Variants in WWOX observed in about 807,000 individuals in gnomAD.
The protein encoded by WWOX is WW domain-containing oxidoreductase.
A neutral mutation model predicts 46.2 loss-of-function variants in WWOX; 69 were observed. The ratio of observed to expected loss-of-function variants is 1.49; its 90% CI spans 1.23 to 1.82. WWOX has a LOEUF of 1.82. Among genes scored for constraint, WWOX ranks in the 40% most tolerant of loss-of-function variants. The pLI is 0.00. For synonymous variants in WWOX, 359 were observed against 202.6 expected, an observed-to-expected ratio of 1.77 and a Z score of -6.56; for missense variants, 919 against 542.6, an observed-to-expected ratio of 1.69 and a Z score of -6.89.
At chr16:78,406,468 T>G (rs1279029480) in intron 6 of WWOX, among the ~76,000 whole-genome samples, 1 of 150,002 alleles carries the variant, frequency 6.7e-6, no homozygotes, top group Non-Finnish European at 1.5e-5. Flanking sequence ...TTCCCCTGCC[T>G]TAGCCTCCTG....
chr16:79,149,696 A>C (rs1438251822), intron 8 of WWOX, among the ~76,000 whole-genome samples: 2 of 152,242 alleles, frequency 1.3e-5, no homozygotes, highest in African/African-American at 4.8e-5. Context: ...TACTTCTCTC[A>C]GCTGGCATTC....
intron 4 of WWOX, among the ~76,000 whole-genome samples, chr16:78,119,247 C>T (rs1253178239): frequency 6.6e-6 from 1 of 152,196 alleles, no homozygotes; most frequent in Non-Finnish European, 1.5e-5. Context: ...GAAATGCCTT[C>T]AGCACGGTGA....
At chr16:78,455,379 G>C (rs1198024140) in intron 8 of WWOX, among the ~76,000 whole-genome samples, 1 of 152,020 alleles carries the variant, frequency 6.6e-6, no homozygotes, top group Non-Finnish European at 1.5e-5. Context: ...GGTGGCTCAT[G>C]CCTGTGATTC....
chr16:78,179,657 A>G (rs1000980631), intron 5 of WWOX: 2 of 152,228 alleles, frequency 1.3e-5, no homozygotes, highest in Admixed American at 6.5e-5. Flanking sequence ...AATTCAGTTC[A>G]TCTTTATGAC....
At chr16:79,009,184 A>T (rs1464550713) in intron 8 of WWOX, among the ~76,000 whole-genome samples, 1 of 152,202 alleles carries the variant, frequency 6.6e-6, no homozygotes, top group Non-Finnish European at 1.5e-5. Flanking sequence ...GTGATGTGGA[A>T]CTGTTTAATG....
In WWOX at chr16:78,883,721, C is replaced by G. The variant is rs1216773829; in HGVS notation, c.1057-327887C>G. On this transcript the variant is annotated intron_variant, in intron 8 of 8. Coordinates refer to ENST00000566780, the MANE Select transcript of WWOX (RefSeq NM_016373.4). ...CCTGGGCAACAGAGCAAGACTCTGT[C>G]TCAAAAAAAAAAAAGAAAAAAAAAG... Among the ~76,000 whole-genome samples the G allele has an allele frequency of 2.1e-5, 3 of 145,374 alleles. No individual in the cohort carries two copies. In the East Asian group the frequency reaches 6.0e-4, roughly 29 times the overall value.
At chr16:78,880,904 T>G (rs983540404) in intron 8 of WWOX, among the ~76,000 whole-genome samples, 2 of 152,092 alleles carry the variant, frequency 1.3e-5, no homozygotes, top group Non-Finnish European at 2.9e-5. Flanking sequence ...GACGTAGGTA[T>G]AAGACCCTGA....
At chr16:78,613,130 C>T (rs115912539) in intron 8 of WWOX, among the ~76,000 whole-genome samples, 2,477 of 152,186 alleles carry the variant, frequency 0.016, 63 homozygotes, top group African/African-American at 0.056. Context: ...CCTGCTTGCT[C>T]CTCTGCTCAC....
chr16:78,718,548 T>C (rs1346245582), intron 8 of WWOX, among the ~76,000 whole-genome samples: 1 of 151,990 alleles, frequency 6.6e-6, no homozygotes, highest in African/African-American at 2.4e-5. Context: ...TTTTAGAAAA[T>C]TAATACACTG....
chr16:79,032,525 C>T (rs900912795), intron 8 of WWOX, among the ~76,000 whole-genome samples: 4 of 147,278 alleles, frequency 2.7e-5, no homozygotes, highest in Non-Finnish European at 4.5e-5. Context: ...TATATATACA[C>T]AATAGTCTAG....
Position 78,454,489 on chromosome 16 carries a change from TTTTGTTTG to T in WWOX, c.1056+21749_1056+21756del, listed in dbSNP as rs962668633. ...TTTCCCCTAGGTTGTGTTTTTGTGT[TTTTGTTTG>T]TTTGTTTGTTTCTTTGTTTGTTTTT... On this transcript the variant is annotated intron_variant, in intron 8 of 8. Transcript: ENST00000566780. Among the ~76,000 whole-genome samples the T allele has an allele frequency of 1.3e-4, 19 of 142,134 alleles. No homozygotes were observed. In the South Asian group the frequency reaches 2.2e-3, roughly 16 times the overall value. 93.2% of individuals were successfully genotyped at this position (142,134 alleles called of 152,430 possible).
chr16:78,838,058 C>T (rs1019347473), intron 8 of WWOX, among the ~76,000 whole-genome samples: 2 of 152,094 alleles, frequency 1.3e-5, no homozygotes, highest in African/African-American at 4.8e-5. Context: ...GGCCAGGAAC[C>T]CATCTTGGCT....
chr16:79,180,952 G>A (rs528428299), intron 8 of WWOX, among the ~76,000 whole-genome samples: 7 of 152,294 alleles, frequency 4.6e-5, no homozygotes, highest in African/African-American at 1.7e-4. Flanking sequence ...CCAGGCACAT[G>A]CATTTTAATA....
chr16:78,366,547 G>C (rs2081540058), intron 5 of WWOX, among the ~76,000 whole-genome samples: 2 of 152,138 alleles, frequency 1.3e-5, no homozygotes, highest in South Asian at 4.1e-4. Context: ...CTAAAATAGT[G>C]GTCAACTAAC....
rs2049529038 is a variant in WWOX at position 78,753,158 on chromosome 16, G to A, written c.1056+320406G>A. 2.6e-5 allele frequency among the ~76,000 whole-genome samples: 4 copies of A among 152,192 alleles called. No individual in the cohort carries two copies. The South Asian group carries it at 8.3e-4, about 32-fold the overall frequency. On this transcript the variant is annotated intron_variant, in intron 8 of 8. Coordinates refer to ENST00000566780, the MANE Select transcript of WWOX (RefSeq NM_016373.4). ...AATAATACAAAAACAAAATTAGCCG[G>A]GCGTGGGGGCAGGCGCCTGTAATCC...
At chr16:79,027,874 G>T (rs1567497782) in intron 8 of WWOX, among the ~76,000 whole-genome samples, 1 of 151,836 alleles carries the variant, frequency 6.6e-6, no homozygotes, top group Non-Finnish European at 1.5e-5. Context: ...CGTGTCTTAG[G>T]CTTGGAATGA....
At chr16:78,477,181 G>C (rs898834311) in intron 8 of WWOX, among the ~76,000 whole-genome samples, 1 of 152,124 alleles carries the variant, frequency 6.6e-6, no homozygotes, top group Non-Finnish European at 1.5e-5. Context: ...AGCAGCAAGA[G>C]TAGTCACAGC....
chr16:78,994,073 A>G (rs1388344148), intron 8 of WWOX, among the ~76,000 whole-genome samples: 1 of 152,200 alleles, frequency 6.6e-6, no homozygotes, highest in East Asian at 1.9e-4. Context: ...GGATGTTTGC[A>G]TTTGATTCAT....
intron 8 of WWOX, among the ~76,000 whole-genome samples, chr16:79,052,713 G>C (rs564285416): frequency 6.6e-6 from 1 of 152,148 alleles, no homozygotes; most frequent in Non-Finnish European, 1.5e-5. Flanking sequence ...TCCTTTGTCC[G>C]GTGTTCTCTC....
Sources: allele counts gnomAD v4.1 joint callset (sites outside exome capture counted in the v4.1 genomes callset), GRCh38; gene constraint gnomAD v4.1.1; transcripts MANE v1.5; gene names NCBI Gene and HGNC (gene_info 2026-07-23, HGNC 2026-07-21).